Variants in CCR6 observed in about 807,000 individuals in gnomAD.
CCR6 encodes C-C chemokine receptor type 6.
A neutral mutation model predicts 3.0 loss-of-function variants in CCR6; 2 were observed. The observed-to-expected ratio is 0.66, with a 90% CI of 0.27 to 2.07. The LOEUF (loss-of-function observed/expected upper bound fraction) is 2.07. Ranked by LOEUF, CCR6 falls within the 30% of genes most tolerant of loss-of-function variation. The pLI is 0.14. For synonymous variants in CCR6, 193 were observed against 184.3 expected (o/e 1.05, Z -0.38); for missense variants, 322 against 462.8 (o/e 0.70, Z 2.79).
intron 1 of CCR6, among the ~76,000 whole-genome samples, chr6:167,114,784 G>A (rs1400603626): frequency 6.6e-6 from 1 of 152,208 alleles, no homozygotes; most frequent in African/African-American, 2.4e-5. Flanking sequence ...CTGGGTCACC[G>A]AGCAGTGCTG....
At chr6:167,119,834 G>A (rs1781559978), upstream of CCR6, among the ~76,000 whole-genome samples, 10 of 152,298 alleles carry the variant, frequency 6.6e-5, no homozygotes, top group South Asian at 2.1e-3. Context: ...GGGCTCGGTA[G>A]TCTATGTTTT....
chr6:167,117,914 A>C (rs139512306), upstream of CCR6, among the ~76,000 whole-genome samples: 317 of 144,742 alleles, frequency 2.2e-3, 2 homozygotes, highest in Non-Finnish European at 3.4e-3. Context: ...CAAATTCTTC[A>C]CTCTGCAGGT....
At chr6:167,130,146 G>T (rs540084918) in intron 1 of CCR6, among the ~76,000 whole-genome samples, 1 of 151,882 alleles carries the variant, frequency 6.6e-6, no homozygotes, top group East Asian at 1.9e-4. Context: ...GATCTGGTGA[G>T]AATGGTGGTC....
In CCR6 at chr6:167,136,242, A is replaced by G; in HGVS notation, c.12A>G (p.Glu4=). The G allele has an allele frequency of 6.2e-7, 1 of 1,606,548 alleles. No individual in the cohort carries two copies. MSG[E]SMNFSDVFDS... is the part of the protein sequence containing the mutation. ...CTCTATCTTTGTTTCCTTTCCAGGA[A>G]TCAATGAATTTCAGCGATGTTTTCG... is the stretch of plus-strand genomic sequence containing the variant. Residue 4 remains glutamate (E), a splice_region_variant and synonymous_variant, in exon 3 of 3, where the codon GAA becomes GAG. Coordinates refer to ENST00000341935, the MANE Select transcript of CCR6 (RefSeq NM_031409.4). The surrounding 1 kb of genome is among the most constrained non-coding windows in gnomAD (Gnocchi z 4.6).
chr6:167,122,558 C>G (rs1050283207), upstream of CCR6, among the ~76,000 whole-genome samples: 3 of 152,186 alleles, frequency 2.0e-5, no homozygotes, highest in African/African-American at 7.2e-5. The surrounding 1 kb of genome is among the most constrained non-coding windows in gnomAD (Gnocchi z 4.2). Context: ...CTCCTTCAGG[C>G]GCTGCTCCTC....
upstream of CCR6, among the ~76,000 whole-genome samples, chr6:167,119,643 T>G (rs982487288): frequency 1.3e-5 from 2 of 152,216 alleles, no homozygotes; most frequent in Non-Finnish European, 2.9e-5. Context: ...GATACACCAT[T>G]TGACATCTTC....
intron 1 of CCR6, among the ~76,000 whole-genome samples, chr6:167,127,990 C>T (rs955190604): frequency 2.0e-5 from 3 of 152,252 alleles, no homozygotes; most frequent in Non-Finnish European, 2.9e-5. Context: ...CTCAGGGCAA[C>T]CACATGGCTC....
chr6:167,130,992 C>CCCCTCCCTCCGGGTCT (rs1562559675), intron 1 of CCR6, among the ~76,000 whole-genome samples: 1 of 118,208 alleles, frequency 8.5e-6, no homozygotes, highest in Non-Finnish European at 1.7e-5. Flanking sequence ...CCTCTGGACC[C>CCCCTCCCTCCGGGTCT]CCTCCCTTTG....
At chr6:167,129,043 C>T (rs1294420344) in intron 1 of CCR6, among the ~76,000 whole-genome samples, 1 of 152,086 alleles carries the variant, frequency 6.6e-6, no homozygotes, top group African/African-American at 2.4e-5. Context: ...ATGAACTTGC[C>T]TCCTCTCTTT....
At chr6:167,119,492 C>T (rs1026520132), upstream of CCR6, 9 of 152,136 alleles carry the variant, frequency 5.9e-5, no homozygotes, top group South Asian at 2.1e-4. Flanking sequence ...AAAAATGATT[C>T]GTATCTGAAA....
At position 167,136,893 on chromosome 6, in the gene CCR6, T is replaced by C; in HGVS notation, c.663T>C (p.Phe221=). The change falls in exon 3 of 3, where the codon TTT becomes TTC. Residue 221 remains phenylalanine (F), a synonymous_variant. Transcript: ENST00000341935. This position sits in a 1 kb window ranked among gnomAD's most constrained non-coding sequence, Gnocchi z 4.6. ...KLLMLGLELL[F]GFFIPLMFMI... ...TGATGTTGGGGCTTGAGCTACTCTT[T>C]GGTTTCTTTATCCCTTTGATGTTCA... 3 of 1,614,216 alleles carry C rather than the reference T, an allele frequency of 1.9e-6. No individual in the cohort carries two copies. Among genetic ancestry groups the C allele is most frequent in the Non-Finnish European group, 2.5e-6 (3 of 1,180,042 alleles).
chr6:167,129,256 G>A (rs779116645), intron 1 of CCR6, among the ~76,000 whole-genome samples: 5 of 152,206 alleles, frequency 3.3e-5, no homozygotes, highest in Admixed American at 1.3e-4. Context: ...AGATTTTATC[G>A]TAAGTGTTCA....
chr6:167,131,001 T>A (rs1310279256), intron 1 of CCR6, among the ~76,000 whole-genome samples: 1 of 86,088 alleles, frequency 1.2e-5, no homozygotes, highest in Non-Finnish European at 2.2e-5. Context: ...CCCCTCCCTT[T>A]GGGACCCCTC....
intron 1 of CCR6, chr6:167,127,439 A>T (rs1781686895): frequency 6.6e-6 from 1 of 152,220 alleles, no homozygotes; most frequent in Non-Finnish European, 1.5e-5. Context: ...CCACAGAGAA[A>T]TCATTTCCCA....
At chr6:167,135,951 C>G (rs41269615) in intron 1 of CCR6, 87 bp from the exon 2 acceptor site, 1 of 657,494 alleles carries the variant, frequency 1.5e-6, no homozygotes, top group Non-Finnish European at 2.7e-6. Flanking sequence ...TCTGTTCACA[C>G]GAGATGGAAT....
chr6:167,117,942 CTGTT>C (rs768546285), upstream of CCR6, among the ~76,000 whole-genome samples: 2 of 62,394 alleles, frequency 3.2e-5, no homozygotes, highest in African/African-American at 1.4e-4. Flanking sequence ...AAGCACTTTT[CTGTT>C]TTTTTTTTTT....
chr6:167,137,409 C>CA lies in CCR6; in HGVS notation c.*62dup, dbSNP rs1181327619. 108 of 1,503,166 alleles carry CA rather than the reference C, an allele frequency of 7.2e-5. No homozygotes were observed. Among genetic ancestry groups the CA allele is most frequent in the South Asian group, 5.1e-4 (39 of 76,244 alleles). 93.1% of individuals were successfully genotyped at this position (1,503,166 alleles called of 1,614,324 possible). A position where few individuals can be genotyped will look rare whatever the true frequency, so the allele number is the denominator to read the frequency against. ...GTGAAACATACTCATAGATGTTATG[C>CA]AAAAAAAAGTCTATGGCCAGGTATG... On this transcript the variant is annotated 3_prime_UTR_variant, in exon 3 of 3. Transcript: ENST00000341935. This position sits in a 1 kb window ranked among gnomAD's most constrained non-coding sequence, Gnocchi z 4.6.
At chr6:167,112,604 A>G (rs1436483085) in intron 1 of CCR6, among the ~76,000 whole-genome samples, 3 of 152,200 alleles carry the variant, frequency 2.0e-5, no homozygotes, top group African/African-American at 4.8e-5. Flanking sequence ...TGGCTGCTGC[A>G]GAATGGGGGG....
intron 1 of CCR6, among the ~76,000 whole-genome samples, chr6:167,132,627 G>C (rs776164669): frequency 6.6e-6 from 1 of 152,096 alleles, no homozygotes; most frequent in African/African-American, 2.4e-5. Flanking sequence ...TGCAACCTCC[G>C]CCTCCCGGGT....
Sources: allele counts gnomAD v4.1 joint callset (sites outside exome capture counted in the v4.1 genomes callset), GRCh38; gene constraint gnomAD v4.1.1; non-coding constraint Gnocchi (gnomAD v3.1); transcripts MANE v1.5; gene names NCBI Gene and HGNC (gene_info 2026-07-23, HGNC 2026-07-21).